RGS7: variants seen among roughly 807,000 people sequenced by gnomAD.
The protein encoded by RGS7 is regulator of G protein signaling 7.
A neutral mutation model predicts 81.1 loss-of-function variants in RGS7; 27 were observed. The observed-to-expected ratio is 0.33, with a 90% CI of 0.25 to 0.46. The LOEUF (loss-of-function observed/expected upper bound fraction) is 0.46. Ranked by LOEUF, RGS7 falls within the 20% of genes least tolerant of loss-of-function variation. RGS7 has a pLI of 1.00. For synonymous variants in RGS7, 208 were observed against 207.7 expected (o/e 1.00, Z -0.01); for missense variants, 396 against 607.4 (o/e 0.65, Z 3.66).
chr1:240,842,392 A>C (rs1357252618), intron 9 of RGS7, among the ~76,000 whole-genome samples: 1 of 150,922 alleles, frequency 6.6e-6, no homozygotes, highest in East Asian at 2.0e-4. Context: ...AGAGACCACC[A>C]TGTTGGTCAG....
chr1:240,983,488 C>T (rs1189619664), intron 3 of RGS7, among the ~76,000 whole-genome samples: 1 of 152,104 alleles, frequency 6.6e-6, no homozygotes, highest in Non-Finnish European at 1.5e-5. Context: ...TAAGGTAGTT[C>T]CTGTCTCATT....
chr1:241,315,851 C>T lies in RGS7; in HGVS notation c.78+39848G>A, dbSNP rs138431213. Among the ~76,000 whole-genome samples the T allele has an allele frequency of 9.2e-4, 140 of 152,290 alleles. 1 individual carries two copies. In the East Asian group the frequency reaches 0.026, roughly 28 times the overall value. On this transcript the variant is annotated intron_variant, in intron 2 of 18. Transcript: ENST00000440928. ...CTGTGCCCTTTTCATATACAGCCTT[C>T]ATTATGTTGAAGTAAATTCTTTCTA...
At chr1:241,312,604 C>T (rs2080609405) in intron 2 of RGS7, among the ~76,000 whole-genome samples, 1 of 152,160 alleles carries the variant, frequency 6.6e-6, no homozygotes, top group Non-Finnish European at 1.5e-5. Flanking sequence ...TGGTGAACTT[C>T]ATCCATGAAT....
chr1:240,921,494 T>C (rs1023042782), intron 6 of RGS7, among the ~76,000 whole-genome samples: 1 of 152,052 alleles, frequency 6.6e-6, no homozygotes, highest in African/African-American at 2.4e-5. Context: ...AAATCTTTGT[T>C]CAGGAAGACA....
chr1:240,917,291 T>C (rs980789677), intron 6 of RGS7, among the ~76,000 whole-genome samples: 3 of 152,172 alleles, frequency 2.0e-5, no homozygotes, highest in African/African-American at 7.2e-5. Flanking sequence ...ATGATATAGG[T>C]TGAAACTACA....
intron 3 of RGS7, among the ~76,000 whole-genome samples, chr1:241,048,337 T>C (rs895525808): frequency 1.3e-5 from 2 of 152,036 alleles, no homozygotes; most frequent in Admixed American, 6.6e-5. Flanking sequence ...TCCTAAGAAA[T>C]AGTAAGAGTT....
chr1:241,085,035 G>A (rs1376633013), intron 3 of RGS7, among the ~76,000 whole-genome samples: 1 of 152,096 alleles, frequency 6.6e-6, no homozygotes, highest in African/African-American at 2.4e-5. Context: ...TAATCACAGT[G>A]GGCTGCTTTA....
intron 3 of RGS7, among the ~76,000 whole-genome samples, chr1:240,985,192 G>C (rs1665486737): frequency 6.6e-6 from 1 of 152,168 alleles, no homozygotes; most frequent in African/African-American, 2.4e-5. Flanking sequence ...AGTGATCCTT[G>C]ACCAATGTCG....
intron 4 of RGS7, among the ~76,000 whole-genome samples, chr1:240,974,754 T>TA (rs1173281959): frequency 6.6e-6 from 1 of 152,232 alleles, no homozygotes; most frequent in African/African-American, 2.4e-5. Context: ...TATGCATTTC[T>TA]AAAAAATTCA....
intron 3 of RGS7, among the ~76,000 whole-genome samples, chr1:240,996,772 A>G (rs1232926680): frequency 6.6e-6 from 1 of 152,194 alleles, no homozygotes; most frequent in East Asian, 1.9e-4. Flanking sequence ...TCTTTTAAAT[A>G]GTATATTTAA....
intron 10 of RGS7, among the ~76,000 whole-genome samples, chr1:240,822,135 T>TG (rs1691911017): frequency 1.3e-5 from 2 of 152,196 alleles, no homozygotes; most frequent in Admixed American, 1.3e-4. Flanking sequence ...ACAATGCGGG[T>TG]GGGCCTCATC....
intron 2 of RGS7, among the ~76,000 whole-genome samples, chr1:241,149,361 GA>G (rs1287348502): frequency 6.6e-6 from 1 of 152,054 alleles, no homozygotes; most frequent in Non-Finnish European, 1.5e-5. Flanking sequence ...ATTTTTTGTA[GA>G]GACGGGCTGG....
chr1:240,794,770 C>T (rs565654581), intron 18 of RGS7, among the ~76,000 whole-genome samples: 1 of 152,256 alleles, frequency 6.6e-6, no homozygotes, highest in East Asian at 1.9e-4. Context: ...AGACGTGGCA[C>T]CTGTATTATT....
At chr1:241,315,893 C>T (rs1196488390) in intron 2 of RGS7, among the ~76,000 whole-genome samples, 2 of 152,314 alleles carry the variant, frequency 1.3e-5, no homozygotes, top group Non-Finnish European at 1.5e-5. Flanking sequence ...TATTATTAGG[C>T]ATTTTTATCA....
At chr1:240,885,551 G>A (rs970720808) in intron 6 of RGS7, among the ~76,000 whole-genome samples, 1 of 152,134 alleles carries the variant, frequency 6.6e-6, no homozygotes, top group Non-Finnish European at 1.5e-5. Flanking sequence ...CTACATCATG[G>A]GATACGATGC....
intron 2 of RGS7, among the ~76,000 whole-genome samples, chr1:241,124,087 A>G (rs1228478278): frequency 6.6e-6 from 1 of 152,158 alleles, no homozygotes; most frequent in Non-Finnish European, 1.5e-5. Flanking sequence ...ATGTGCTTAG[A>G]GAGTATCCCT....
At chr1:241,283,450 C>T (rs1280538950) in intron 2 of RGS7, among the ~76,000 whole-genome samples, 1 of 152,270 alleles carries the variant, frequency 6.6e-6, no homozygotes, top group East Asian at 1.9e-4. Context: ...TCTTTTAGCA[C>T]TTAAAAAATG....
chr1:240,827,102 C>A lies in RGS7; in HGVS notation c.680G>T (p.Arg227Leu). 6.2e-7 allele frequency: 1 copy of A among 1,612,092 alleles called. No homozygotes were observed. The highest frequency in any genetic ancestry group is 1.1e-5 in the South Asian group (1 of 91,060). Residue 227 changes from arginine to leucine, a missense_variant, in exon 10 of 19, where the codon CGG becomes CTG. Transcript: ENST00000440928. Reference protein sequence around the residue: ...SSRMRNPHKTRKSVYGLQNDI... With the variant: ...SSRMRNPHKTLKSVYGLQNDI... Reference sequence around the variant, plus strand: ...CACAACAAATGACAGTTTTACCTTCCGTGTTTTGTGGGGGTTTCTCATTCT... The same window carrying A: ...CACAACAAATGACAGTTTTACCTTCAGTGTTTTGTGGGGGTTTCTCATTCT...
intron 2 of RGS7, among the ~76,000 whole-genome samples, chr1:241,340,472 A>G (rs755528007): frequency 1.1e-4 from 17 of 152,214 alleles, no homozygotes; most frequent in Non-Finnish European, 1.6e-4. Context: ...TATTCCTTAA[A>G]GAATTTATAA....
Sources: gnomAD v4.1 joint callset for allele counts (sites outside exome capture counted in the v4.1 genomes callset) on GRCh38, gnomAD v4.1.1 for gene constraint, MANE v1.5 for transcripts, NCBI Gene and HGNC (gene_info 2026-07-23, HGNC 2026-07-21) for gene names.